Variants in CFAP69 observed in about 807,000 individuals in gnomAD.
CFAP69 encodes the protein cilia and flagella associated protein 69.
In CFAP69, 92 loss-of-function variants were observed where a neutral mutation model predicts 123.0. That is an observed-to-expected ratio of 0.75 (90% confidence interval 0.63 to 0.89). CFAP69 has a LOEUF of 0.89. Ranked by LOEUF, CFAP69 falls within the 40% of genes least tolerant of loss-of-function variation. The pLI, the probability that CFAP69 is intolerant of heterozygous loss-of-function variation, is 0.00. For missense variants in CFAP69, 1,067 were observed against 1,096.9 expected (o/e 0.97, Z 0.39); for synonymous variants, 380 against 364.3 (o/e 1.04, Z -0.49).
chr7:90,278,218 C>T (rs1199080699), intron 11 of CFAP69, among the ~76,000 whole-genome samples: 5 of 152,132 alleles, frequency 3.3e-5, no homozygotes, highest in Non-Finnish European at 7.4e-5. Flanking sequence ...AGTGCTACCG[C>T]TTTCTAGCTA....
At chr7:90,278,174 T>G (rs1212869546) in intron 11 of CFAP69, among the ~76,000 whole-genome samples, 1 of 152,158 alleles carries the variant, frequency 6.6e-6, no homozygotes, top group East Asian at 1.9e-4. Context: ...GATGGGGTAG[T>G]CTAGCAGTAA....
In CFAP69 at chr7:90,304,810, T is replaced by A; in HGVS notation, c.2255T>A (p.Leu752His). 1 of 1,489,342 alleles carries A rather than the reference T, an allele frequency of 6.7e-7. No homozygotes were observed. The highest frequency in any genetic ancestry group is 9.3e-7 in the Non-Finnish European group (1 of 1,079,452). The allele number at this position is 1,489,342 out of a possible 1,614,324, so 92.3% of individuals were successfully genotyped here. ...FVTLCIIHRY[L>H]DFKIGEIWNE... is the part of the protein sequence containing the mutation. ...ACCCTTTGTATCATACATAGATATCTTGATTTTAAAGTAAGTATCTTTTTA... is the reference window on the plus strand; with the variant it reads ...ACCCTTTGTATCATACATAGATATCATGATTTTAAAGTAAGTATCTTTTTA... Residue 752 changes from leucine (L) to histidine (H), a missense_variant, in exon 19 of 23, where the codon CTT (leucine) becomes CAT (histidine). Physicochemically the swap from Leu to His is moderately conservative, Grantham distance 99 (BLOSUM62 -3). Transcript: ENST00000389297.
At chr7:90,248,573 AG>A (rs929096225) in intron 1 of CFAP69, among the ~76,000 whole-genome samples, 1 of 152,220 alleles carries the variant, frequency 6.6e-6, no homozygotes, top group Admixed American at 6.5e-5. Context: ...TTATGAGTAA[AG>A]TTATTAGTAA....
downstream of CFAP69, among the ~76,000 whole-genome samples, chr7:90,313,283 T>C (rs1431388633): frequency 1.3e-5 from 2 of 152,218 alleles, no homozygotes; most frequent in East Asian, 3.8e-4. Flanking sequence ...GTAGTTCCTC[T>C]CATTTTTACA....
At chr7:90,259,076 G>A (rs1797989773) in intron 3 of CFAP69, among the ~76,000 whole-genome samples, 2 of 151,994 alleles carry the variant, frequency 1.3e-5, no homozygotes, top group African/African-American at 2.4e-5. Flanking sequence ...CTAAATATAC[G>A]ACCCTGACCA....
rs754494730 is a variant in CFAP69 at position 90,245,187 on chromosome 7, C to T, written c.-238C>T. On this transcript the variant is annotated 5_prime_UTR_variant, in exon 1 of 23. Coordinates refer to ENST00000389297, the MANE Select transcript of CFAP69 (RefSeq NM_001039706.3). ...GCCCCGCCCCCTAGCAACGCGCTGG[C>T]TTGTGTTAACAACCGGCCCGGGATC... 16 of 422,440 alleles carry T rather than the reference C, an allele frequency of 3.8e-5. No individual in the cohort carries two copies. The highest frequency in any genetic ancestry group is 5.2e-5 in the Non-Finnish European group (13 of 249,280). 26.2% of individuals were successfully genotyped at this position (422,440 alleles called of 1,614,324 possible). A position where few individuals can be genotyped will look rare whatever the true frequency, so the allele number is the denominator to read the frequency against.
chr7:90,286,635 A>G (rs1044975384), intron 14 of CFAP69, among the ~76,000 whole-genome samples: 2 of 152,168 alleles, frequency 1.3e-5, no homozygotes, highest in Non-Finnish European at 2.9e-5. Context: ...TCCTCATCCC[A>G]TTAGAAGCCA....
At chr7:90,311,483 C>T (rs575560589), downstream of CFAP69, among the ~76,000 whole-genome samples, 11 of 152,316 alleles carry the variant, frequency 7.2e-5, no homozygotes, top group African/African-American at 2.4e-4. Context: ...TTACCAATCT[C>T]AAGCTACCAA....
intron 8 of CFAP69, among the ~76,000 whole-genome samples, chr7:90,272,853 C>A (rs1265938352): frequency 2.0e-5 from 3 of 152,002 alleles, no homozygotes; most frequent in African/African-American, 7.2e-5. Context: ...GAATTGAGTC[C>A]AGTTTGGCCC....
In CFAP69 at chr7:90,245,256, C is replaced by A; in HGVS notation, c.-169C>A. On this transcript the variant is annotated 5_prime_UTR_variant, in exon 1 of 23. The change creates a new upstream start codon in the 5' untranslated region. Coordinates refer to ENST00000389297, the MANE Select transcript of CFAP69 (RefSeq NM_001039706.3). The stretch of plus-strand genomic sequence containing the variant: ...GGGGGCGGCAGCGGCGCTAAGCGGA[C>A]TGTATGGCGGTGGCCTAGGCCCCTG... 1.1e-5 allele frequency: 9 copies of A among 841,730 alleles called. No individual in the cohort carries two copies. The highest frequency in any genetic ancestry group is 2.6e-5 in the South Asian group (1 of 38,438). 52.1% of individuals were successfully genotyped at this position (841,730 alleles called of 1,614,324 possible). A position where few individuals can be genotyped will look rare whatever the true frequency, so the allele number is the denominator to read the frequency against.
intron 1 of CFAP69, among the ~76,000 whole-genome samples, chr7:90,251,027 A>T (rs10237082): frequency 0.11 from 16,522 of 152,112 alleles, 2,421 homozygotes; most frequent in East Asian, 0.61. Context: ...CCAAAGTTAC[A>T]ATCTACCTCC....
intron 17 of CFAP69, chr7:90,302,034 C>T (rs1792889127): frequency 6.6e-6 from 1 of 152,104 alleles, no homozygotes; most frequent in South Asian, 2.1e-4. Context: ...ATGTGAGATA[C>T]TATTTCATTG....
At chr7:90,312,087 C>A (rs917630964), downstream of CFAP69, among the ~76,000 whole-genome samples, 19 of 152,162 alleles carry the variant, frequency 1.2e-4, no homozygotes, top group Admixed American at 1.2e-3. Flanking sequence ...GAGACCATAT[C>A]TCATTAATTA....
chr7:90,256,218 GTC>G (rs2116653239), intron 2 of CFAP69, among the ~76,000 whole-genome samples: 1 of 152,284 alleles, frequency 6.6e-6, no homozygotes, highest in East Asian at 1.9e-4. Context: ...ATGAGTTCCT[GTC>G]CTTTCCAGGG....
At chr7:90,304,280 C>G in intron 18 of CFAP69, 174 bp downstream of exon 18, 1 of 1,343,290 alleles carries the variant, frequency 7.4e-7, no homozygotes, top group Middle Eastern at 2.8e-4. Context: ...AAATCAGAAT[C>G]TCTGTGTGTG....
intron 15 of CFAP69, among the ~76,000 whole-genome samples, chr7:90,289,919 C>T (rs1790876337): frequency 6.6e-6 from 1 of 152,054 alleles, no homozygotes; most frequent in Non-Finnish European, 1.5e-5. Flanking sequence ...ATCAAATGTC[C>T]GTATATATTT....
chr7:90,275,559 G>T (rs1226540316), intron 9 of CFAP69, among the ~76,000 whole-genome samples: 1 of 133,906 alleles, frequency 7.5e-6, no homozygotes. Flanking sequence ...TCCACGAGGT[G>T]TAGAATACGG....
rs1333330179 is a variant in CFAP69 at position 90,277,357 on chromosome 7, A to G, written c.1155+23A>G. 8 of 1,438,724 alleles carry G rather than the reference A, an allele frequency of 5.6e-6. No homozygotes were observed. The African/African-American group carries it at 1.2e-4, about 21-fold the overall frequency. The allele number at this position is 1,438,724 out of a possible 1,614,324, so 89.1% of individuals were successfully genotyped here. A position where few individuals can be genotyped will look rare whatever the true frequency, so the allele number is the denominator to read the frequency against. On this transcript the variant is annotated intron_variant, in intron 11 of 22. Coordinates refer to ENST00000389297, the MANE Select transcript of CFAP69 (RefSeq NM_001039706.3). Reference sequence around the variant, plus strand: ...CAGGTAAAGAGTAATCAAGGCAGGAAAATCAATAAAAATTGTCTTACTTTG... The same window carrying G: ...CAGGTAAAGAGTAATCAAGGCAGGAGAATCAATAAAAATTGTCTTACTTTG...
chr7:90,288,497 G>T, intron 15 of CFAP69, 145 bp downstream of exon 15: 1 of 916,890 alleles, frequency 1.1e-6, no homozygotes, highest in East Asian at 2.7e-5. Flanking sequence ...AACATAGATG[G>T]TATAGCCTAC....
Sources: allele counts gnomAD v4.1 joint callset (sites outside exome capture counted in the v4.1 genomes callset), GRCh38; gene constraint gnomAD v4.1.1; transcripts MANE v1.5; gene names NCBI Gene and HGNC (gene_info 2026-07-23, HGNC 2026-07-21).